The following INSR variants were observed in gnomAD, a reference collection of about 807,000 sequenced individuals.
INSR encodes the protein IR.
In INSR, 67 loss-of-function variants were observed where a neutral mutation model predicts 142.6. That is an observed-to-expected ratio of 0.47 (90% CI 0.39 to 0.58). The LOEUF (loss-of-function observed/expected upper bound fraction) is 0.58, where lower values mean the gene tolerates loss of function less well. Among genes scored for constraint, INSR ranks in the 20% least tolerant of loss-of-function variants. INSR has a pLI of 0.00. For missense variants in INSR, 1,248 were observed against 1,833.2 expected, an observed-to-expected ratio of 0.68 and a Z score of 5.83; for synonymous variants, 756 against 743.1, an observed-to-expected ratio of 1.02 and a Z score of -0.28.
intron 4 of INSR, 101 bp from the exon 5 acceptor site, chr19:7,172,535 G>T: frequency 7.8e-7 from 1 of 1,275,842 alleles, no homozygotes; most frequent in East Asian, 2.3e-5. Flanking sequence ...GCAAATGACT[G>T]GACATACCCA....
At chr19:7,188,858 G>A (rs921296686) in intron 2 of INSR, among the ~76,000 whole-genome samples, 1 of 126,270 alleles carries the variant, frequency 7.9e-6, no homozygotes, top group African/African-American at 3.1e-5. Flanking sequence ...GTGACAGAGC[G>A]AGACTCTATC....
At chr19:7,197,106 G>C (rs572980122) in intron 2 of INSR, among the ~76,000 whole-genome samples, 6 of 152,334 alleles carry the variant, frequency 3.9e-5, no homozygotes, top group Admixed American at 2.0e-4. Flanking sequence ...TGACAGCTTC[G>C]TGGTCAGCAG....
intron 9 of INSR, among the ~76,000 whole-genome samples, chr19:7,160,104 C>T (rs755725828): frequency 1.6e-4 from 25 of 152,016 alleles, no homozygotes; most frequent in Non-Finnish European, 2.9e-4. Flanking sequence ...TTCGAGACCA[C>T]CCTGGGCAAC....
At chr19:7,278,719 T>C (rs1367406725) in intron 1 of INSR, among the ~76,000 whole-genome samples, 1 of 149,152 alleles carries the variant, frequency 6.7e-6, no homozygotes, top group Non-Finnish European at 1.5e-5. Flanking sequence ...ATTAGCCTGG[T>C]GTGGTGGCGT....
chr19:7,156,690 A>C (rs1973600387), intron 9 of INSR, among the ~76,000 whole-genome samples: 1 of 152,212 alleles, frequency 6.6e-6, no homozygotes, highest in African/African-American at 2.4e-5. Flanking sequence ...CATGCATAGA[A>C]AAGGGAATTT....
At chr19:7,287,821 T>C (rs2145251457) in intron 1 of INSR, among the ~76,000 whole-genome samples, 1 of 152,328 alleles carries the variant, frequency 6.6e-6, no homozygotes, top group East Asian at 1.9e-4. Flanking sequence ...AAGGCGTCTG[T>C]TCCAGATCAG....
At chr19:7,204,839 G>C (rs2145056261) in intron 2 of INSR, among the ~76,000 whole-genome samples, 1 of 152,352 alleles carries the variant, frequency 6.6e-6, no homozygotes, top group African/African-American at 2.4e-5. Flanking sequence ...CCAGCACTTT[G>C]GGAGGCCGAG....
intron 2 of INSR, among the ~76,000 whole-genome samples, chr19:7,233,739 G>A (rs906332391): frequency 4.8e-5 from 6 of 124,848 alleles, no homozygotes; most frequent in African/African-American, 1.9e-4. Context: ...GCAGTGGCAC[G>A]ATCTCCGCTC....
intron 2 of INSR, among the ~76,000 whole-genome samples, chr19:7,211,724 C>T (rs1247042009): frequency 1.3e-5 from 2 of 152,164 alleles, no homozygotes; most frequent in Admixed American, 6.6e-5. Flanking sequence ...GGCCGGCAGC[C>T]GCGGAGAAGG....
Position 7,142,926 on chromosome 19 carries a change from C to T in INSR, c.2432G>A (p.Gly811Asp). The T allele has an allele frequency of 1.9e-6, 3 of 1,614,106 alleles. No individual in the cohort carries two copies. Among genetic ancestry groups the T allele is most frequent in the Non-Finnish European group, 2.5e-6 (3 of 1,180,022 alleles). The change falls in exon 12 of 22, where the codon GGC becomes GAC. Residue 811 changes from glycine to aspartate, a missense_variant. Transcript: ENST00000302850. Reference sequence around the variant, plus strand: ...GCGATAGCCCGTGAAGTGTCGCAAGCCGGAGATGACCAGCGACTCCTTGTT... The same window carrying T: ...GCGATAGCCCGTGAAGTGTCGCAAGTCGGAGATGACCAGCGACTCCTTGTT... ...VVNKESLVIS[G>D]LRHFTGYRIE...
chr19:7,259,750 C>T (rs1167550693), intron 2 of INSR, among the ~76,000 whole-genome samples: 6 of 151,122 alleles, frequency 4.0e-5, no homozygotes, highest in African/African-American at 1.2e-4. Context: ...ACCCAGGAGG[C>T]GGAGGTTGCA....
At position 7,174,622 on chromosome 19, in the gene INSR, C is replaced by T. The variant is rs72549237; in HGVS notation, c.1084G>A (p.Val362Ile). ...TSAQELRGCT[V>I]INGSLIINIR... ...TTGATGATCAGACTCCCGTTGATGACGGTGCATCCTCGGAGCTCCTGGGCA... is the reference window on the plus strand; with the variant it reads ...TTGATGATCAGACTCCCGTTGATGATGGTGCATCCTCGGAGCTCCTGGGCA... The change falls in exon 4 of 22, where the codon GTC becomes ATC. Residue 362 changes from valine (V) to isoleucine (I), a missense_variant. This residue lies in a region of INSR where 1,069 missense variants were observed against 1,654.0 expected (regional missense o/e 0.65). Coordinates refer to ENST00000302850, the MANE Select transcript of INSR (RefSeq NM_000208.4). The T allele has an allele frequency of 5.9e-5, 95 of 1,614,000 alleles. No homozygotes were observed. In the Middle Eastern group the frequency reaches 3.5e-3, roughly 59 times the overall value.
At chr19:7,127,254 C>A (rs1475296732) in intron 15 of INSR, among the ~76,000 whole-genome samples, 1 of 152,104 alleles carries the variant, frequency 6.6e-6, no homozygotes, top group Admixed American at 6.6e-5. Context: ...AAGCCACTCA[C>A]CCAGTACTGT....
chr19:7,162,677 G>A (rs897512205), intron 9 of INSR, among the ~76,000 whole-genome samples: 7 of 151,622 alleles, frequency 4.6e-5, no homozygotes, highest in East Asian at 3.9e-4. Flanking sequence ...CAAATTAGCC[G>A]GGCGTGGTGG....
At chr19:7,165,368 G>A (rs1029219384) in intron 8 of INSR, among the ~76,000 whole-genome samples, 2 of 152,076 alleles carry the variant, frequency 1.3e-5, no homozygotes, top group African/African-American at 4.8e-5. Context: ...AGTAACAAGT[G>A]GGAAGAGGGA....
chr19:7,248,818 C>A (rs1055529636), intron 2 of INSR, among the ~76,000 whole-genome samples: 5 of 133,172 alleles, frequency 3.8e-5, no homozygotes, highest in Non-Finnish European at 1.5e-5. Flanking sequence ...AGTGCAGTGG[C>A]GTGATCTTGG....
At chr19:7,293,684 G>A (rs1027277273) in intron 1 of INSR, 108 bp downstream of exon 1, 3 of 939,240 alleles carry the variant, frequency 3.2e-6, no homozygotes, top group African/African-American at 1.8e-5. Flanking sequence ...ACCGCCCCCC[G>A]CCCCTGGGGA....
chr19:7,153,586 T>C (rs979495196), intron 9 of INSR, among the ~76,000 whole-genome samples: 3 of 151,296 alleles, frequency 2.0e-5, no homozygotes, highest in African/African-American at 7.3e-5. Flanking sequence ...GACACTATGG[T>C]TCACGCCTGT....
intron 1 of INSR, among the ~76,000 whole-genome samples, chr19:7,269,001 C>G (rs926084565): frequency 6.7e-5 from 10 of 149,758 alleles, no homozygotes; most frequent in Middle Eastern, 3.4e-3. Flanking sequence ...AAATTGAAGT[C>G]TTTAGATGGC....
Sources: gnomAD v4.1 joint callset for allele counts (sites outside exome capture counted in the v4.1 genomes callset) on GRCh38, gnomAD v4.1.1 for gene constraint, gnomAD v4.1.1 regional missense constraint, MANE v1.5 for transcripts, NCBI Gene and HGNC (gene_info 2026-07-23, HGNC 2026-07-21) for gene names.